Variants in LRRN2 observed in about 807,000 individuals in gnomAD.
LRRN2 encodes leucine rich repeat neuronal 2.
In LRRN2, 10 loss-of-function variants were observed where a neutral mutation model predicts 35.7. That is an observed-to-expected ratio of 0.28 (90% CI 0.17 to 0.47). The LOEUF (loss-of-function observed/expected upper bound fraction) is 0.47, where lower values mean the gene tolerates loss of function less well. LRRN2 is among the 20% of genes least tolerant of loss of function. The pLI is 0.99. For synonymous variants in LRRN2, 391 were observed against 409.6 expected (o/e 0.95, Z 0.55); for missense variants, 731 against 940.3 (o/e 0.78, Z 2.91).
At chr1:204,652,297 T>A (rs12565010) in intron 1 of LRRN2, among the ~76,000 whole-genome samples, 2 of 102,702 alleles carry the variant, frequency 1.9e-5, no homozygotes, top group Non-Finnish European at 3.7e-5. Context: ...CCTCCTTGCC[T>A]CCCTGAACCA....
chr1:204,659,252 A>G (rs1668419523), intron 1 of LRRN2, among the ~76,000 whole-genome samples: 1 of 152,216 alleles, frequency 6.6e-6, no homozygotes, highest in South Asian at 2.1e-4. Flanking sequence ...CTCTGTCACT[A>G]TGGAAACTAG....
At chr1:204,684,896 C>T (rs567506412) in intron 1 of LRRN2, among the ~76,000 whole-genome samples, 1 of 152,328 alleles carries the variant, frequency 6.6e-6, no homozygotes, top group South Asian at 2.1e-4. Context: ...CCTGCCAGTC[C>T]GCCCGTGTCA....
At chr1:204,672,454 T>C (rs904638302) in intron 1 of LRRN2, among the ~76,000 whole-genome samples, 1 of 152,196 alleles carries the variant, frequency 6.6e-6, no homozygotes, top group African/African-American at 2.4e-5. Context: ...TTGGGGTCCC[T>C]GAGCCATTAT....
intron 1 of LRRN2, among the ~76,000 whole-genome samples, chr1:204,631,411 C>G (rs1558407785): frequency 6.7e-6 from 1 of 148,554 alleles, no homozygotes; most frequent in Non-Finnish European, 1.5e-5. Context: ...GAAATAGATC[C>G]CTGACCTTAT....
At chr1:204,648,258 C>T (rs1483475794) in intron 1 of LRRN2, among the ~76,000 whole-genome samples, 1 of 152,152 alleles carries the variant, frequency 6.6e-6, no homozygotes, top group African/African-American at 2.4e-5. Flanking sequence ...CTGCACCTTC[C>T]CACAGTGAGA....
At chr1:204,670,074 AT>A (rs1334344336) in intron 1 of LRRN2, among the ~76,000 whole-genome samples, 24 of 151,314 alleles carry the variant, frequency 1.6e-4, no homozygotes, top group Non-Finnish European at 1.5e-5. Flanking sequence ...ACAATTGGAG[AT>A]GCAAGAGTGG....
At chr1:204,674,984 G>A (rs189623055) in intron 1 of LRRN2, among the ~76,000 whole-genome samples, 171 of 152,324 alleles carry the variant, frequency 1.1e-3, no homozygotes, top group Non-Finnish European at 1.8e-3. Context: ...TAACGGACGA[G>A]TTCATGAGAG....
At chr1:204,653,747 A>G (rs538845062) in intron 1 of LRRN2, among the ~76,000 whole-genome samples, 5 of 151,914 alleles carry the variant, frequency 3.3e-5, no homozygotes, top group African/African-American at 1.2e-4. Flanking sequence ...CCTTAGTCCC[A>G]GCTACTTGGG....
chr1:204,677,852 C>G (rs1668859433), intron 1 of LRRN2, among the ~76,000 whole-genome samples: 1 of 152,096 alleles, frequency 6.6e-6, no homozygotes, highest in Admixed American at 6.5e-5. Flanking sequence ...GGAAAGAGTA[C>G]AGGGGGCATT....
Position 204,671,642 on chromosome 1 carries a change from TAA to T in LRRN2, c.-227+13676_-227+13677del, listed in dbSNP as rs35192809. On this transcript the variant is annotated intron_variant, in intron 1 of 1. Coordinates refer to ENST00000367177, the MANE Select transcript of LRRN2 (RefSeq NM_201630.2). Reference sequence around the variant, plus strand: ...GAAGGCAGAGGAAGGTAATTGATGGTAAAAAAAAAAAAAAAAAAAAAAAAAAA... The same window carrying T: ...GAAGGCAGAGGAAGGTAATTGATGGTAAAAAAAAAAAAAAAAAAAAAAAAA... Among the ~76,000 whole-genome samples, 125 of 30,242 alleles carry T rather than the reference TAA, an allele frequency of 4.1e-3. 2 individuals carry two copies. The highest frequency in any genetic ancestry group is 0.016 in the African/African-American group (115 of 7,240). 19.8% of individuals were successfully genotyped at this position (30,242 alleles called of 152,430 possible).
intron 1 of LRRN2, among the ~76,000 whole-genome samples, chr1:204,622,412 A>T (rs553566131): frequency 6.6e-6 from 1 of 152,192 alleles, no homozygotes; most frequent in South Asian, 2.1e-4. Flanking sequence ...GCCTATTTAC[A>T]TTTGGCTACT....
intron 1 of LRRN2, among the ~76,000 whole-genome samples, chr1:204,650,758 C>A (rs1421985850): frequency 1.3e-5 from 2 of 152,074 alleles, no homozygotes; most frequent in Admixed American, 6.5e-5. Context: ...TTCAGGAGGG[C>A]TGGGGACACG....
intron 1 of LRRN2, among the ~76,000 whole-genome samples, chr1:204,660,491 C>A (rs1443804668): frequency 6.6e-6 from 1 of 151,878 alleles, no homozygotes; most frequent in African/African-American, 2.4e-5. Context: ...TTCTTTATTG[C>A]CTTGCTTCTG....
intron 1 of LRRN2, among the ~76,000 whole-genome samples, chr1:204,668,349 C>G (rs928439909): frequency 2.0e-5 from 3 of 152,308 alleles, no homozygotes; most frequent in Non-Finnish European, 2.9e-5. Context: ...AATCCCAGTA[C>G]TTTGGGAGGC....
At chr1:204,650,719 T>G (rs992071652) in intron 1 of LRRN2, among the ~76,000 whole-genome samples, 2 of 152,244 alleles carry the variant, frequency 1.3e-5, no homozygotes, top group East Asian at 3.9e-4. Context: ...TCAACAAACA[T>G]CAACAACCCA....
At chr1:204,627,180 A>G (rs771686104) in intron 1 of LRRN2, 2 of 152,172 alleles carry the variant, frequency 1.3e-5, no homozygotes, top group Non-Finnish European at 2.9e-5. Context: ...TCTGTGAGGG[A>G]CATACTTTTC....
At chr1:204,685,067 C>T (rs1329736075) in intron 1 of LRRN2, among the ~76,000 whole-genome samples, 1 of 152,180 alleles carries the variant, frequency 6.6e-6, no homozygotes, top group African/African-American at 2.4e-5. Context: ...CGTCCCTCTG[C>T]CCCTCGGCCG....
At chr1:204,664,946 A>C (rs944851968) in intron 1 of LRRN2, among the ~76,000 whole-genome samples, 3 of 151,976 alleles carry the variant, frequency 2.0e-5, no homozygotes, top group African/African-American at 7.3e-5. Context: ...TCTTTAATCA[A>C]ATCCCATTCA....
intron 1 of LRRN2, among the ~76,000 whole-genome samples, chr1:204,661,670 G>A (rs1041094538): frequency 2.6e-5 from 4 of 152,200 alleles, no homozygotes; most frequent in Admixed American, 6.5e-5. Context: ...TGGCCTAAGC[G>A]CCATCCTGCT....
Sources: allele counts gnomAD v4.1 joint callset (sites outside exome capture counted in the v4.1 genomes callset), GRCh38; gene constraint gnomAD v4.1.1; transcripts MANE v1.5; gene names NCBI Gene and HGNC (gene_info 2026-07-23, HGNC 2026-07-21).